The following TMEM114 variants were observed in gnomAD, a reference collection of about 807,000 sequenced individuals.
TMEM114 encodes the protein transmembrane protein 114.
TMEM114 carries 6 observed loss-of-function variants against 6.2 expected under a neutral mutation model. That is an observed-to-expected ratio of 0.97 (90% confidence interval 0.53 to 1.91). TMEM114 has a LOEUF of 1.91. TMEM114 is among the 40% of genes most tolerant of loss of function. The pLI is 0.01. For missense variants in TMEM114, 218 were observed against 158.3 expected, an observed-to-expected ratio of 1.38 and a Z score of -2.02; for synonymous variants, 104 against 73.0, an observed-to-expected ratio of 1.42 and a Z score of -2.16.
At chr16:8,542,176 A>G (rs1900536432) in intron 2 of TMEM114, among the ~76,000 whole-genome samples, 1 of 151,972 alleles carries the variant, frequency 6.6e-6, no homozygotes, top group Admixed American at 6.6e-5. Flanking sequence ...AGGATGTGAA[A>G]CCAGGTACCC....
At chr16:8,584,467 G>C (rs1396627636) in intron 2 of TMEM114, among the ~76,000 whole-genome samples, 1 of 152,170 alleles carries the variant, frequency 6.6e-6, no homozygotes, top group Non-Finnish European at 1.5e-5. Context: ...GGATTTTGCT[G>C]ACAAGGAACC....
chr16:8,565,760 G>A (rs1462341275), downstream of TMEM114, among the ~76,000 whole-genome samples: 1 of 152,186 alleles, frequency 6.6e-6, no homozygotes, highest in African/African-American at 2.4e-5. Flanking sequence ...CTGCACAGCA[G>A]AATCACCTGG....
At chr16:8,527,766 C>G in the TMEM114 span, among the ~76,000 whole-genome samples, 8 of 152,134 alleles carry the variant, frequency 5.3e-5, no homozygotes, top group African/African-American at 1.9e-4. Context: ...TAAAGAGGAT[C>G]CGATTCTAAA....
At chr16:8,576,692 A>G (rs758493360) in intron 2 of TMEM114, among the ~76,000 whole-genome samples, 5 of 150,052 alleles carry the variant, frequency 3.3e-5, no homozygotes, top group Non-Finnish European at 7.4e-5. Flanking sequence ...TGGCTGAGTT[A>G]ATGAATGAGA....
At chr16:8,572,879 A>G (rs1901782759) in intron 2 of TMEM114, among the ~76,000 whole-genome samples, 1 of 152,202 alleles carries the variant, frequency 6.6e-6, no homozygotes, top group Non-Finnish European at 1.5e-5. Context: ...CTGCCTCCAC[A>G]GCCGTGGGAC....
intron 2 of TMEM114, among the ~76,000 whole-genome samples, chr16:8,580,711 G>T (rs1464453804): frequency 6.6e-6 from 1 of 151,986 alleles, no homozygotes; most frequent in African/African-American, 2.4e-5. Context: ...TTGTTTTTGA[G>T]ATAGGGTCTC....
At chr16:8,579,392 T>C (rs1902056767) in intron 2 of TMEM114, among the ~76,000 whole-genome samples, 2 of 152,206 alleles carry the variant, frequency 1.3e-5, no homozygotes, top group African/African-American at 4.8e-5. Flanking sequence ...CTTTGAGACT[T>C]CTGGAAGAGC....
chr16:8,553,647 C>A (rs957823971), intron 2 of TMEM114, among the ~76,000 whole-genome samples: 12 of 151,998 alleles, frequency 7.9e-5, no homozygotes, highest in African/African-American at 2.9e-4. Context: ...CATCACGCCT[C>A]CTATTTTGTA....
At chr16:8,526,612 T>G in the TMEM114 span, 1 of 152,020 alleles carries the variant, frequency 6.6e-6, no homozygotes, top group Admixed American at 6.6e-5. Flanking sequence ...GGCTTTCACC[T>G]TCCGCCATGA....
chr16:8,561,134 C>T (rs1321293729), intron 2 of TMEM114, among the ~76,000 whole-genome samples: 2 of 152,216 alleles, frequency 1.3e-5, no homozygotes, highest in African/African-American at 2.4e-5. Context: ...GGAACTGCAA[C>T]TCAAGATGAG....
chr16:8,572,076 T>A lies in TMEM114; in HGVS notation c.439+11A>T, dbSNP rs766746285. On this transcript the variant is annotated intron_variant, in intron 3 of 3. Transcript: ENST00000620492. ...CCACAAGCCAGAGCCCTAGGCAGGG[T>A]GGGCACCTACCTCCAAAGAGGAAGA... 6.5e-7 allele frequency: 1 copy of A among 1,532,698 alleles called. No homozygotes were observed. The highest frequency in any genetic ancestry group is 8.8e-7 in the Non-Finnish European group (1 of 1,137,908). The allele number at this position is 1,532,698 out of a possible 1,614,324, so 94.9% of individuals were successfully genotyped here.
chr16:8,533,556 A>G (rs143307181), downstream of TMEM114, among the ~76,000 whole-genome samples: 1,305 of 152,348 alleles, frequency 8.6e-3, 25 homozygotes, highest in African/African-American at 0.03. Context: ...TTTAAAAGGT[A>G]AATGGCATGA....
At chr16:8,584,076 C>T (rs373499677) in intron 2 of TMEM114, among the ~76,000 whole-genome samples, 92 of 152,340 alleles carry the variant, frequency 6.0e-4, no homozygotes, top group African/African-American at 1.9e-3. Flanking sequence ...AGAAACAGAA[C>T]GTCTCCCTTT....
chr16:8,534,371 T>C (rs1003257729), downstream of TMEM114, among the ~76,000 whole-genome samples: 1 of 151,982 alleles, frequency 6.6e-6, no homozygotes, highest in Non-Finnish European at 1.5e-5. Context: ...AAAGGAATTC[T>C]TCATGTCCTT....
chr16:8,584,937 A>AG (rs1159435493), intron 2 of TMEM114, among the ~76,000 whole-genome samples: 4 of 151,472 alleles, frequency 2.6e-5, no homozygotes, highest in African/African-American at 7.2e-5. Context: ...AAAAAAAAAA[A>AG]AAAAAGAAGA....
intron 2 of TMEM114, among the ~76,000 whole-genome samples, chr16:8,553,026 G>T (rs992105178): frequency 9.9e-5 from 15 of 152,200 alleles, no homozygotes; most frequent in Non-Finnish European, 2.1e-4. Context: ...TGCTAATCCA[G>T]CCGAGGTTCT....
downstream of TMEM114, among the ~76,000 whole-genome samples, chr16:8,569,301 G>A (rs1364903517): frequency 6.6e-6 from 1 of 152,144 alleles, no homozygotes; most frequent in Non-Finnish European, 1.5e-5. Context: ...GAAAGCCCAT[G>A]TCATGCCAGA....
At chr16:8,531,023 C>CA in the TMEM114 span, among the ~76,000 whole-genome samples, 1,132 of 151,248 alleles carry the variant, frequency 7.5e-3, 6 homozygotes, top group Middle Eastern at 0.024. Context: ...GACTCTGTCT[C>CA]AAAAAACAGG....
chr16:8,560,899 G>C (rs1014774723), intron 2 of TMEM114, among the ~76,000 whole-genome samples: 1 of 152,160 alleles, frequency 6.6e-6, no homozygotes, highest in African/African-American at 2.4e-5. Flanking sequence ...AGATTTAATG[G>C]ACTCACAGTT....
Sources: allele counts gnomAD v4.1 joint callset (sites outside exome capture counted in the v4.1 genomes callset), GRCh38; gene constraint gnomAD v4.1.1; transcripts MANE v1.5; gene names NCBI Gene and HGNC (gene_info 2026-07-23, HGNC 2026-07-21).